Variants in MTREX observed in about 807,000 individuals in gnomAD.
MTREX encodes Mtr4 exosome RNA helicase.
In MTREX, 76 loss-of-function variants were observed where a neutral mutation model predicts 135.4. That is an observed-to-expected ratio of 0.56 (90% confidence interval 0.47 to 0.68). MTREX has a LOEUF of 0.68. MTREX is among the 30% of genes least tolerant of loss of function. MTREX has a pLI of 0.00. For synonymous variants in MTREX, 404 were observed against 401.6 expected, an observed-to-expected ratio of 1.01 and a Z score of -0.07; for missense variants, 920 against 1,262.1, an observed-to-expected ratio of 0.73 and a Z score of 4.11.
At chr5:55,399,362 C>T in intron 20 of MTREX, among the ~76,000 whole-genome samples, 1 of 152,144 alleles carries the variant, frequency 6.6e-6, no homozygotes, top group East Asian at 1.9e-4. Flanking sequence ...TATCCAAGAC[C>T]CTGAAAGTTT....
intron 18 of MTREX, among the ~76,000 whole-genome samples, chr5:55,386,436 G>A (rs1252009657): frequency 3.9e-5 from 6 of 152,130 alleles, no homozygotes; most frequent in African/African-American, 1.4e-4. Context: ...TCTTTACAGA[G>A]TGCAAAACTA....
intron 19 of MTREX, among the ~76,000 whole-genome samples, chr5:55,394,839 C>T (rs554247284): frequency 1.1e-4 from 17 of 152,088 alleles, no homozygotes; most frequent in South Asian, 8.3e-4. Flanking sequence ...TTAAGACCAG[C>T]CTGTCTAACA....
At chr5:55,334,614 A>G (rs1749525232) in intron 5 of MTREX, among the ~76,000 whole-genome samples, 2 of 152,206 alleles carry the variant, frequency 1.3e-5, no homozygotes, top group South Asian at 4.1e-4. Context: ...CTTACCATTA[A>G]ATTTATCTAT....
chr5:55,331,068 G>A (rs149558127), intron 5 of MTREX, among the ~76,000 whole-genome samples: 14 of 151,132 alleles, frequency 9.3e-5, no homozygotes, highest in African/African-American at 2.7e-4. Flanking sequence ...TTTACTTAAC[G>A]TGCTGTTTAA....
At chr5:55,377,352 T>C (rs1750322830) in intron 16 of MTREX, among the ~76,000 whole-genome samples, 1 of 152,118 alleles carries the variant, frequency 6.6e-6, no homozygotes, top group Non-Finnish European at 1.5e-5. Flanking sequence ...AAAAAGGCTA[T>C]GGATTTTAAA....
chr5:55,397,340 G>T (rs575926815), intron 19 of MTREX, 76 bp from the exon 20 acceptor site: 1 of 863,486 alleles, frequency 1.2e-6, no homozygotes, highest in Non-Finnish European at 1.8e-6. Flanking sequence ...CCTCTTTAGG[G>T]ATCCAAGTTT....
intron 26 of MTREX, chr5:55,423,193 C>G: frequency 5.5e-6 from 3 of 543,582 alleles, no homozygotes; most frequent in Non-Finnish European, 6.5e-6. Context: ...TAATTGTACG[C>G]TAACTACATG....
In MTREX at chr5:55,399,709, G is replaced by A. The variant is rs373286976; in HGVS notation, c.2293-524G>A. On this transcript the variant is annotated intron_variant, in intron 20 of 26. Coordinates refer to ENST00000230640, the MANE Select transcript of MTREX (RefSeq NM_015360.5). Reference sequence around the variant, plus strand: ...TCACCGTGTTAGCCAGGATGGTCTCGATCTCCTGACCTTGTGATCCGCCCA... The same window carrying A: ...TCACCGTGTTAGCCAGGATGGTCTCAATCTCCTGACCTTGTGATCCGCCCA... Among the ~76,000 whole-genome samples the A allele has an allele frequency of 1.5e-4, 23 of 152,114 alleles. No homozygotes were observed. The East Asian group carries it at 1.7e-3, about 12-fold the overall frequency.
intron 24 of MTREX, 54 bp downstream of exon 24, chr5:55,414,292 T>TA: frequency 7.5e-7 from 1 of 1,330,898 alleles, no homozygotes; most frequent in Non-Finnish European, 1.0e-6. Context: ...TAGTAGATTG[T>TA]AAAATAAACA....
intron 1 of MTREX, among the ~76,000 whole-genome samples, chr5:55,310,041 A>T (rs918669048): frequency 6.6e-6 from 1 of 152,224 alleles, no homozygotes; most frequent in Middle Eastern, 3.2e-3. Flanking sequence ...GGCAACTATG[A>T]TATTATGAAG....
At chr5:55,347,565 A>G (rs567142127) in intron 11 of MTREX, among the ~76,000 whole-genome samples, 3 of 152,316 alleles carry the variant, frequency 2.0e-5, no homozygotes, top group African/African-American at 7.2e-5. Flanking sequence ...TTGCTTAACT[A>G]TTTTGTAATT....
intron 11 of MTREX, 117 bp downstream of exon 11, chr5:55,347,261 C>T: frequency 1.1e-6 from 1 of 925,134 alleles, no homozygotes; most frequent in Non-Finnish European, 1.6e-6. Context: ...CTTACAGTTA[C>T]AGCAGTACTC....
At chr5:55,343,554 T>C in intron 8 of MTREX, 99 bp downstream of exon 8, 1 of 1,042,808 alleles carries the variant, frequency 9.6e-7, no homozygotes, top group Non-Finnish European at 1.4e-6. Flanking sequence ...TTGTCCAGAA[T>C]AATAAAAAAA....
chr5:55,395,335 G>A (rs112306467), intron 19 of MTREX, among the ~76,000 whole-genome samples: 13 of 152,122 alleles, frequency 8.5e-5, no homozygotes, highest in African/African-American at 3.1e-4. Flanking sequence ...GAACCCGGGA[G>A]GTAGAGATTT....
chr5:55,384,105 C>T (rs1170032616), intron 18 of MTREX, among the ~76,000 whole-genome samples: 1 of 152,178 alleles, frequency 6.6e-6, no homozygotes, highest in Non-Finnish European at 1.5e-5. Flanking sequence ...ACTTCTTTTT[C>T]TAAACCTCTC....
At chr5:55,315,144 C>G (rs771487021) in intron 1 of MTREX, among the ~76,000 whole-genome samples, 6 of 152,108 alleles carry the variant, frequency 3.9e-5, no homozygotes, top group Non-Finnish European at 7.4e-5. Context: ...GTGTATTGAA[C>G]TTGGATTTTT....
chr5:55,354,501 C>T (rs2112073418), intron 14 of MTREX, among the ~76,000 whole-genome samples: 1 of 152,296 alleles, frequency 6.6e-6, no homozygotes, highest in East Asian at 1.9e-4. Context: ...AAAGGAATTA[C>T]AAATCATCAA....
chr5:55,415,010 C>T (rs1274336696), intron 24 of MTREX, among the ~76,000 whole-genome samples: 1 of 151,406 alleles, frequency 6.6e-6, no homozygotes, highest in East Asian at 1.9e-4. Context: ...CTCAAAGCCA[C>T]AGTAGTTTAT....
intron 3 of MTREX, among the ~76,000 whole-genome samples, chr5:55,327,062 G>C (rs1277748251): frequency 2.6e-5 from 4 of 152,214 alleles, no homozygotes; most frequent in African/African-American, 7.2e-5. Context: ...ATTCCATGGT[G>C]TATATGTGCC....
Sources: gnomAD v4.1 joint callset for allele counts (sites outside exome capture counted in the v4.1 genomes callset) on GRCh38, gnomAD v4.1.1 for gene constraint, MANE v1.5 for transcripts, NCBI Gene and HGNC (gene_info 2026-07-23, HGNC 2026-07-21) for gene names.